The following ABCA4 variants were observed in gnomAD, a reference collection of about 807,000 sequenced individuals.
The protein encoded by ABCA4 is retinal-specific phospholipid-transporting ATPase ABCA4.
ABCA4 carries 196 observed loss-of-function variants against 263.7 expected under a neutral mutation model. The observed-to-expected ratio is 0.74, with a 90% confidence interval of 0.66 to 0.84. ABCA4 has a LOEUF of 0.84. ABCA4 is among the 40% of genes least tolerant of loss of function. The probability of loss-of-function intolerance (pLI) is 0.00; values close to 1 mark genes in which losing one functional copy is unlikely to be tolerated. For missense variants in ABCA4, 2,792 were observed against 2,855.1 expected, an observed-to-expected ratio of 0.98 and a Z score of 0.50; for synonymous variants, 1,133 against 1,094.2, an observed-to-expected ratio of 1.04 and a Z score of -0.70.
intron 1 of ABCA4, among the ~76,000 whole-genome samples, chr1:94,118,553 G>T (rs1246091202): frequency 6.6e-6 from 1 of 152,204 alleles, no homozygotes; most frequent in East Asian, 1.9e-4. Context: ...TCTGTTGGGG[G>T]TGCCTCTGTC....
At chr1:94,084,393 G>A (rs1264323736) in intron 6 of ABCA4, among the ~76,000 whole-genome samples, 2 of 152,196 alleles carry the variant, frequency 1.3e-5, no homozygotes, top group Admixed American at 1.3e-4. Flanking sequence ...TTATTTGCCA[G>A]CACAGTTCTC....
chr1:94,000,130 G>C (rs1659132980), intron 47 of ABCA4, among the ~76,000 whole-genome samples: 1 of 152,188 alleles, frequency 6.6e-6, no homozygotes, highest in Non-Finnish European at 1.5e-5. Flanking sequence ...CCACCAACCA[G>C]CTTAGTGACT....
At chr1:94,011,829 A>C (rs754894302) in intron 38 of ABCA4, among the ~76,000 whole-genome samples, 19 of 152,234 alleles carry the variant, frequency 1.2e-4, no homozygotes, top group Non-Finnish European at 2.2e-4. Flanking sequence ...GAGAAGCTGC[A>C]GCCCTCCTGC....
At chr1:94,088,112 CCTA>C (rs1223675550) in intron 6 of ABCA4, among the ~76,000 whole-genome samples, 1 of 152,228 alleles carries the variant, frequency 6.6e-6, no homozygotes, top group African/African-American at 2.4e-5. Flanking sequence ...CCCTCACCAT[CCTA>C]CTAAGATGCT....
intron 27 of ABCA4, 54 bp downstream of exon 27, chr1:94,031,724 G>C: frequency 1.1e-5 from 17 of 1,609,378 alleles, no homozygotes; most frequent in Non-Finnish European, 1.4e-5. Flanking sequence ...GAGAGGAGGG[G>C]AAGGCTGGGA....
Position 94,080,677 on chromosome 1 carries a change from G to T in ABCA4, c.900C>A (p.Thr300=). The T allele has an allele frequency of 6.2e-7, 1 of 1,614,086 alleles. No individual in the cohort carries two copies. The highest frequency in any genetic ancestry group is 8.5e-7 in the Non-Finnish European group (1 of 1,180,016). Residue 300 remains threonine, a synonymous_variant, in exon 8 of 50, where the codon ACC becomes ACA. Coordinates refer to ENST00000370225, the MANE Select transcript of ABCA4 (RefSeq NM_000350.3). ...RPSMQDLLWV[T]RPLMQNGGPE... is the part of the protein sequence containing the mutation. ...GACCACCATTCTGCATGAGGGGCCTGGTCACCCACAGCAAGTCCTGCATAC... is the reference window on the plus strand; with the variant it reads ...GACCACCATTCTGCATGAGGGGCCTTGTCACCCACAGCAAGTCCTGCATAC...
chr1:94,046,883 T>A (rs887194463), intron 19 of ABCA4, 36 bp downstream of exon 19: 1 of 1,610,512 alleles, frequency 6.2e-7, no homozygotes, highest in Admixed American at 1.7e-5. Context: ...AATGACAGGC[T>A]AGCATGGCAG....
intron 26 of ABCA4, among the ~76,000 whole-genome samples, chr1:94,036,298 A>T (rs1660333811): frequency 6.6e-6 from 1 of 150,614 alleles, no homozygotes; most frequent in African/African-American, 2.4e-5. Context: ...GCCATCTAGG[A>T]TGCAAAATGC....
intron 4 of ABCA4, among the ~76,000 whole-genome samples, chr1:94,104,489 C>T (rs1662369826): frequency 6.6e-6 from 1 of 152,242 alleles, no homozygotes; most frequent in Non-Finnish European, 1.5e-5. Context: ...CCACCCTTCT[C>T]ATCCCCAGGT....
At chr1:94,072,635 G>A (rs954339286) in intron 11 of ABCA4, among the ~76,000 whole-genome samples, 7 of 152,158 alleles carry the variant, frequency 4.6e-5, no homozygotes. Context: ...AACTATAAAT[G>A]AATACACATA....
intron 14 of ABCA4, among the ~76,000 whole-genome samples, chr1:94,060,183 A>C (rs1661080947): frequency 6.6e-6 from 1 of 152,220 alleles, no homozygotes; most frequent in Admixed American, 6.5e-5. Flanking sequence ...CACTCCCTGA[A>C]CTGATTTTTT....
intron 12 of ABCA4, 133 bp downstream of exon 12, chr1:94,062,979 T>A: frequency 9.1e-7 from 1 of 1,101,028 alleles, no homozygotes. Context: ...TTGAGCTTTA[T>A]AAAATATCTT....
At chr1:94,060,242 A>G (rs1216752150) in intron 14 of ABCA4, among the ~76,000 whole-genome samples, 1 of 152,230 alleles carries the variant, frequency 6.6e-6, no homozygotes, top group Non-Finnish European at 1.5e-5. Flanking sequence ...CACCCTGTGC[A>G]GGGCTCTGCT....
Position 94,063,229 on chromosome 1 carries a change from C to G in ABCA4, c.1643G>C (p.Trp548Ser). 1 of 1,614,134 alleles carries G rather than the reference C, an allele frequency of 6.2e-7. No homozygotes were observed. Among genetic ancestry groups the G allele is most frequent in the Non-Finnish European group, 8.5e-7 (1 of 1,180,010 alleles). The change falls in exon 12 of 50, where the codon TGG becomes TCG. Residue 548 changes from tryptophan (W) to serine (S), a missense_variant. Transcript: ENST00000370225. ...CATGTCAGGGAATACCACTCCGGCC[C>G]AGAACATGTTTTCCTCCAGTAGAGA... ...ALSLLEENMF[W>S]AGVVFPDMYP...
intron 24 of ABCA4, 61 bp downstream of exon 24, chr1:94,039,982 C>T: frequency 7.1e-7 from 1 of 1,399,776 alleles, no homozygotes; most frequent in South Asian, 1.2e-5. Flanking sequence ...ACAGGACACA[C>T]CCAGCAATAC....
rs755202002 is a variant in ABCA4 at position 94,080,586 on chromosome 1, C to T, written c.991G>A (p.Gly331Ser). The T allele has an allele frequency of 3.1e-6, 5 of 1,614,042 alleles. No homozygotes were observed. Among genetic ancestry groups the T allele is most frequent in the Non-Finnish European group, 1.7e-6 (2 of 1,180,052 alleles). ...DLLCGYPEGGGSRVLSFNWYE... is the reference protein window; with the variant it reads ...DLLCGYPEGGSSRVLSFNWYE... ...CAGTTGAAGGAGAGCACCCGAGAGC[C>T]ACCTCCCTCGGGGTAGCCACACAGG... The change falls in exon 8 of 50, where the codon GGC (glycine) becomes AGC (serine). Residue 331 changes from glycine (G) to serine (S), a missense_variant. By Grantham distance (56) the Gly-to-Ser change is moderately conservative. Coordinates refer to ENST00000370225, the MANE Select transcript of ABCA4 (RefSeq NM_000350.3).
chr1:94,021,656 G>C lies in ABCA4; in HGVS notation c.4832C>G (p.Thr1611Ser), dbSNP rs1659900849. The change falls in exon 34 of 50, where the codon ACT becomes AGT. Residue 1611 changes from threonine (T) to serine (S), a missense_variant. Physicochemically the swap from Thr to Ser is moderately conservative, Grantham distance 58. Coordinates refer to ENST00000370225, the MANE Select transcript of ABCA4 (RefSeq NM_000350.3). Reference protein sequence around the residue: ...EIPDFLKHLETEDNIKVWFNN... With the variant: ...EIPDFLKHLESEDNIKVWFNN... ...GTCAAGTACCTTAATGTTGTCTTCA[G>C]TTTCTAGATGTTTAAGGAAATCAGG... is the stretch of plus-strand genomic sequence containing the variant. 6.2e-7 allele frequency: 1 copy of C among 1,612,356 alleles called. No homozygotes were observed. Among genetic ancestry groups the C allele is most frequent in the Admixed American group, 1.7e-5 (1 of 59,844 alleles).
At chr1:94,041,096 G>T in intron 23 of ABCA4, 113 bp downstream of exon 23, 1 of 1,095,642 alleles carries the variant, frequency 9.1e-7, no homozygotes, top group Non-Finnish European at 1.4e-6. Context: ...CCAGAACAAA[G>T]ACACTGATTC....
chr1:94,041,411 T>C lies in ABCA4; in HGVS notation c.3329-9A>G, dbSNP rs1439734058. 6.2e-7 allele frequency: 1 copy of C among 1,613,100 alleles called. No homozygotes were observed. Among genetic ancestry groups the C allele is most frequent in the South Asian group, 1.1e-5 (1 of 91,016 alleles). On this transcript the variant is annotated splice_polypyrimidine_tract_variant and intron_variant, in intron 22 of 49. Transcript: ENST00000370225. Reference sequence around the variant, plus strand: ...CATGATGATGGTTCTGCCTGCAAGGTAGGGGCCAGGGCAATCACCAGGCCT... The same window carrying C: ...CATGATGATGGTTCTGCCTGCAAGGCAGGGGCCAGGGCAATCACCAGGCCT...
Sources: allele counts gnomAD v4.1 joint callset (sites outside exome capture counted in the v4.1 genomes callset), GRCh38; gene constraint gnomAD v4.1.1; transcripts MANE v1.5; gene names NCBI Gene and HGNC (gene_info 2026-07-23, HGNC 2026-07-21).